The following GAD2 variants were observed in gnomAD, a reference collection of about 807,000 sequenced individuals.
The protein encoded by GAD2 is 65 kDa glutamic acid decarboxylase.
In GAD2, 22 loss-of-function variants were observed where a neutral mutation model predicts 80.1. The ratio of observed to expected loss-of-function variants is 0.27; its 90% confidence interval spans 0.20 to 0.39. GAD2 has a LOEUF of 0.39. Among genes scored for constraint, GAD2 ranks in the 10% least tolerant of loss-of-function variants. The pLI, the probability that GAD2 is intolerant of heterozygous loss-of-function variation, is 1.00. For synonymous variants in GAD2, 274 were observed against 256.9 expected (o/e 1.07, Z -0.64); for missense variants, 624 against 738.4 (o/e 0.85, Z 1.80).
At chr10:26,289,222 C>T (rs1243832192) in intron 13 of GAD2, among the ~76,000 whole-genome samples, 1 of 152,118 alleles carries the variant, frequency 6.6e-6, no homozygotes. Context: ...CATCCTCTTC[C>T]CGCAAGAAGA....
Position 26,217,096 on chromosome 10 carries a change from G to T in GAD2, c.76+211G>T, listed in dbSNP as rs1844382528. 6.6e-6 allele frequency among the ~76,000 whole-genome samples: 1 copy of T among 151,970 alleles called. No homozygotes were observed. Among genetic ancestry groups the T allele is most frequent in the Non-Finnish European group, 1.5e-5 (1 of 67,994 alleles). On this transcript the variant is annotated intron_variant, in intron 1 of 15. Transcript: ENST00000376261. This position sits in a 1 kb window ranked among gnomAD's most constrained non-coding sequence, Gnocchi z 4.9. Reference sequence around the variant, plus strand: ...TGGGAAGACGCCCAAATAGTCTCAGGCCCGTTCCACAGAAGGTTGGAAGAG... The same window carrying T: ...TGGGAAGACGCCCAAATAGTCTCAGTCCCGTTCCACAGAAGGTTGGAAGAG...
intron 12 of GAD2, among the ~76,000 whole-genome samples, chr10:26,284,188 C>T (rs1350865570): frequency 1.3e-5 from 2 of 152,046 alleles, no homozygotes; most frequent in Non-Finnish European, 2.9e-5. Flanking sequence ...AATGCTGTTC[C>T]ATAAGATGGT....
intron 8 of GAD2, among the ~76,000 whole-genome samples, chr10:26,263,764 A>G (rs556150756): frequency 1.1e-4 from 17 of 152,220 alleles, no homozygotes; most frequent in Non-Finnish European, 2.5e-4. Flanking sequence ...GTAGAACAAC[A>G]TCCTCAAATA....
chr10:26,268,993 A>T lies in GAD2; in HGVS notation c.921-126A>T, dbSNP rs558391218. The T allele has an allele frequency of 7.2e-5, 43 of 598,416 alleles. 1 individual carries two copies. In the South Asian group the frequency reaches 1.1e-3, roughly 15 times the overall value. The allele number at this position is 598,416 out of a possible 1,614,324, so 37.1% of individuals were successfully genotyped here. On this transcript the variant is annotated intron_variant, in intron 8 of 15. Transcript: ENST00000376261. ...GCATCCTTCCTGGAAGCAGTCAAGG[A>T]GTTGTTTTCTCCGAGTATTGTTATC... is the stretch of plus-strand genomic sequence containing the variant.
chr10:26,227,636 G>A (rs750715947), intron 6 of GAD2, among the ~76,000 whole-genome samples: 1 of 152,198 alleles, frequency 6.6e-6, no homozygotes. Context: ...GATTGTCTGG[G>A]GGAGAGGGTG....
Position 26,275,121 on chromosome 10 carries a change from G to GA in GAD2, c.1157+1423dup, listed in dbSNP as rs1845183930. ...AGCAGAAGCTTAAGGAAGAGGCAAT[G>GA]AAGTAAACAGGGAGAGACAATAAAA... On this transcript the variant is annotated intron_variant, in intron 11 of 15. Transcript: ENST00000376261. 1.3e-5 allele frequency among the ~76,000 whole-genome samples: 2 copies of GA among 152,236 alleles called. 1 individual carries two copies. Among genetic ancestry groups the GA allele is most frequent in the South Asian group, 4.1e-4 (2 of 4,824 alleles).
intron 7 of GAD2, among the ~76,000 whole-genome samples, chr10:26,233,642 A>G (rs1844633762): frequency 6.6e-6 from 1 of 152,020 alleles, no homozygotes; most frequent in African/African-American, 2.4e-5. Flanking sequence ...CAGGCCACAT[A>G]TTTTCTTGGT....
intron 13 of GAD2, among the ~76,000 whole-genome samples, chr10:26,287,762 T>G (rs1308070209): frequency 1.3e-5 from 2 of 152,234 alleles, no homozygotes; most frequent in African/African-American, 4.8e-5. Context: ...CAGGATTTTC[T>G]TAGCATTAGT....
At chr10:26,237,216 C>T (rs1252757766) in intron 7 of GAD2, among the ~76,000 whole-genome samples, 1 of 152,158 alleles carries the variant, frequency 6.6e-6, no homozygotes, top group African/African-American at 2.4e-5. Flanking sequence ...CCCATCCACG[C>T]CAGGTGACGG....
chr10:26,250,782 A>T (rs1413779162), intron 8 of GAD2, among the ~76,000 whole-genome samples: 1 of 152,002 alleles, frequency 6.6e-6, no homozygotes, highest in Non-Finnish European at 1.5e-5. Context: ...GAAAAATCAT[A>T]GTTCCACTGT....
chr10:26,225,748 T>C (rs1245420163), intron 6 of GAD2, among the ~76,000 whole-genome samples: 1 of 152,248 alleles, frequency 6.6e-6, no homozygotes, highest in Non-Finnish European at 1.5e-5. Flanking sequence ...TGTGTTTAAA[T>C]ATATAGCACA....
intron 8 of GAD2, among the ~76,000 whole-genome samples, chr10:26,268,602 T>C (rs1007217170): frequency 5.9e-5 from 9 of 152,188 alleles, no homozygotes; most frequent in Admixed American, 6.5e-5. Flanking sequence ...CTTGAGCCCA[T>C]GAATTTTTGG....
chr10:26,304,178 G>C lies in GAD2; in HGVS notation c.*3217G>C, dbSNP rs1053857028. On this transcript the variant is annotated 3_prime_UTR_variant, in exon 16 of 16. Transcript: ENST00000376261. ...GTCACCAGCTGCCAAAATCGTAGGT[G>C]TTGGCTCTGCTGGTCACTGGAGTAG... The C allele has an allele frequency of 3.3e-5, 5 of 152,620 alleles. No individual in the cohort carries two copies. Among genetic ancestry groups the C allele is most frequent in the African/African-American group, 1.2e-4 (5 of 41,462 alleles). The allele number at this position is 152,620 out of a possible 1,614,324, so 9.5% of individuals were successfully genotyped here. A position where few individuals can be genotyped will look rare whatever the true frequency, so the allele number is the denominator to read the frequency against.
chr10:26,286,884 G>C (rs1219455535), intron 13 of GAD2, among the ~76,000 whole-genome samples: 1 of 152,112 alleles, frequency 6.6e-6, no homozygotes, highest in African/African-American at 2.4e-5. Context: ...GAACAAAAAA[G>C]AAAAAGTAAA....
chr10:26,292,802 T>C (rs1251529158), intron 14 of GAD2, 100 bp from the exon 15 acceptor site: 1 of 1,029,152 alleles, frequency 9.7e-7, no homozygotes, highest in East Asian at 2.4e-5. Flanking sequence ...AAAGTGGGAA[T>C]TGTGTTCTGA....
At chr10:26,299,232 C>T (rs941606613) in intron 15 of GAD2, among the ~76,000 whole-genome samples, 2 of 152,188 alleles carry the variant, frequency 1.3e-5, no homozygotes, top group Non-Finnish European at 2.9e-5. Context: ...AAGATGAAAA[C>T]TTCATTATAA....
chr10:26,271,075 G>A (rs922927947), intron 10 of GAD2, among the ~76,000 whole-genome samples: 18 of 152,180 alleles, frequency 1.2e-4, no homozygotes, highest in African/African-American at 2.2e-4. Flanking sequence ...TACAACCTAC[G>A]CACACAGTCC....
chr10:26,230,584 A>G (rs958458270), intron 7 of GAD2, among the ~76,000 whole-genome samples: 4 of 152,112 alleles, frequency 2.6e-5, no homozygotes, highest in Non-Finnish European at 5.9e-5. Flanking sequence ...CCAGATATGT[A>G]TCACCATGGC....
intron 7 of GAD2, among the ~76,000 whole-genome samples, chr10:26,232,851 A>T (rs1375476236): frequency 6.6e-6 from 1 of 152,006 alleles, no homozygotes; most frequent in Non-Finnish European, 1.5e-5. Flanking sequence ...TATAACAACC[A>T]TTTGACTCTC....
Sources: allele counts gnomAD v4.1 joint callset (sites outside exome capture counted in the v4.1 genomes callset), GRCh38; gene constraint gnomAD v4.1.1; non-coding constraint Gnocchi (gnomAD v3.1); transcripts MANE v1.5; gene names NCBI Gene and HGNC (gene_info 2026-07-23, HGNC 2026-07-21).